The following NIM1K variants were observed in gnomAD, a reference collection of about 807,000 sequenced individuals.
NIM1K encodes the protein serine/threonine-protein kinase NIM1.
In NIM1K, 35 loss-of-function variants were observed where a neutral mutation model predicts 37.1. The observed-to-expected ratio is 0.94, with a 90% confidence interval of 0.72 to 1.25. The LOEUF (loss-of-function observed/expected upper bound fraction) is 1.25, where lower values mean the gene tolerates loss of function less well. NIM1K is among the 50% of genes most tolerant of loss of function. The probability of loss-of-function intolerance (pLI) is 0.00; values close to 1 mark genes in which losing one functional copy is unlikely to be tolerated. For synonymous variants in NIM1K, 234 were observed against 206.6 expected (o/e 1.13, Z -1.14); for missense variants, 564 against 548.0 (o/e 1.03, Z -0.29).
chr5:43,226,289 A>G (rs1223553064), intron 1 of NIM1K, among the ~76,000 whole-genome samples: 1 of 152,228 alleles, frequency 6.6e-6, no homozygotes, highest in Non-Finnish European at 1.5e-5. Context: ...ATGCTTTGTT[A>G]GAAACAAACC....
chr5:43,259,256 T>G (rs1236272403), intron 2 of NIM1K, among the ~76,000 whole-genome samples: 2 of 152,200 alleles, frequency 1.3e-5, no homozygotes, highest in Non-Finnish European at 2.9e-5. Context: ...TTCTTTTCCT[T>G]TGGGGAGATA....
chr5:43,207,868 T>C (rs1752140592), intron 1 of NIM1K: 1 of 287,232 alleles, frequency 3.5e-6, no homozygotes, highest in Admixed American at 4.5e-5. Flanking sequence ...CTCCATATGC[T>C]GTACATGACA....
At chr5:43,268,416 G>T (rs1396052096) in intron 2 of NIM1K, among the ~76,000 whole-genome samples, 1 of 152,050 alleles carries the variant, frequency 6.6e-6, no homozygotes, top group East Asian at 1.9e-4. Flanking sequence ...CAGACCAGGT[G>T]CTTGCTGCTG....
intron 1 of NIM1K, among the ~76,000 whole-genome samples, chr5:43,202,416 A>G (rs1430423812): frequency 6.6e-6 from 1 of 152,180 alleles, no homozygotes; most frequent in Non-Finnish European, 1.5e-5. Context: ...GCTGAAAGAG[A>G]CAAAGTAAAG....
intron 1 of NIM1K, among the ~76,000 whole-genome samples, chr5:43,197,534 T>G (rs1751937181): frequency 6.6e-6 from 1 of 152,204 alleles, no homozygotes; most frequent in African/African-American, 2.4e-5. Context: ...TTTTGGAAAT[T>G]TGAAATGTAG....
At position 43,253,212 on chromosome 5, in the gene NIM1K, A is replaced by ATAATATAATATATG. The variant is rs1300038063; in HGVS notation, c.292+7146_292+7147insAATATAATATATGT. On this transcript the variant is annotated intron_variant, in intron 2 of 3. Transcript: ENST00000326035. ...TATAATATAATATATAATATAATAT[A>ATAATATAATATATG]TGTGTGTGTGTGTGTGTGTGTGTGT... Among the ~76,000 whole-genome samples the ATAATATAATATATG allele has an allele frequency of 5.5e-4, 73 of 131,732 alleles. 1 individual carries two copies. The highest frequency in any genetic ancestry group is 4.2e-3 in the South Asian group (17 of 4,094). The allele number at this position is 131,732 out of a possible 152,430, so 86.4% of individuals were successfully genotyped here.
chr5:43,205,505 C>T (rs1385846510), intron 1 of NIM1K, among the ~76,000 whole-genome samples: 2 of 152,074 alleles, frequency 1.3e-5, no homozygotes, highest in African/African-American at 2.4e-5. Context: ...ACAATCTCAG[C>T]ACTTTGTGAA....
intron 2 of NIM1K, among the ~76,000 whole-genome samples, chr5:43,266,579 G>A (rs544926309): frequency 2.6e-4 from 40 of 152,262 alleles, no homozygotes; most frequent in African/African-American, 8.2e-4. Context: ...TGGGTGAGGC[G>A]ATGCCCTGCC....
chr5:43,268,381 G>A (rs1753202311), intron 2 of NIM1K, among the ~76,000 whole-genome samples: 2 of 152,156 alleles, frequency 1.3e-5, no homozygotes, highest in Non-Finnish European at 1.5e-5. Context: ...TTCAAAGGCA[G>A]TTTTGGGGAA....
chr5:43,251,447 A>T (rs956447932), intron 2 of NIM1K, among the ~76,000 whole-genome samples: 1 of 152,202 alleles, frequency 6.6e-6, no homozygotes, highest in African/African-American at 2.4e-5. Context: ...GGAAGCACTG[A>T]CATCATCTAG....
intron 1 of NIM1K, among the ~76,000 whole-genome samples, chr5:43,244,141 T>C (rs1156370884): frequency 6.6e-6 from 1 of 152,226 alleles, no homozygotes; most frequent in Admixed American, 6.5e-5. Flanking sequence ...TACTTAATTG[T>C]AATAATGTGA....
intron 2 of NIM1K, among the ~76,000 whole-genome samples, chr5:43,275,957 G>C (rs1256766987): frequency 6.7e-6 from 1 of 148,928 alleles, no homozygotes; most frequent in Non-Finnish European, 1.5e-5. Flanking sequence ...CTGGAGAGCA[G>C]TGGTGCGATC....
intron 2 of NIM1K, among the ~76,000 whole-genome samples, chr5:43,254,610 C>T (rs1047395385): frequency 2.6e-5 from 4 of 152,166 alleles, no homozygotes; most frequent in African/African-American, 9.7e-5. Context: ...AAGAAATATT[C>T]GAGGGAGCAA....
At chr5:43,225,749 ACCT>A (rs1488495318) in intron 1 of NIM1K, 1 of 154,358 alleles carries the variant, frequency 6.5e-6, no homozygotes, top group Non-Finnish European at 1.5e-5. Flanking sequence ...AGCGTATATA[ACCT>A]CTCTGTGATG....
intron 2 of NIM1K, among the ~76,000 whole-genome samples, chr5:43,265,984 A>C (rs1313405802): frequency 6.6e-6 from 1 of 152,200 alleles, no homozygotes; most frequent in Non-Finnish European, 1.5e-5. Context: ...CTTCCTCTGG[A>C]AGCTTCATCT....
chr5:43,206,361 G>C (rs1752110433), intron 1 of NIM1K, among the ~76,000 whole-genome samples: 1 of 146,860 alleles, frequency 6.8e-6, no homozygotes, highest in South Asian at 2.2e-4. Context: ...TTAGCCAGGA[G>C]GGGTGGTGCG....
intron 2 of NIM1K, among the ~76,000 whole-genome samples, chr5:43,269,341 A>C (rs1753219988): frequency 7.0e-6 from 1 of 142,764 alleles, no homozygotes; most frequent in African/African-American, 2.6e-5. Context: ...AAGAATAGCT[A>C]CTCCTGCTAG....
intron 1 of NIM1K, among the ~76,000 whole-genome samples, chr5:43,234,861 C>T (rs912331047): frequency 6.6e-6 from 1 of 152,062 alleles, no homozygotes; most frequent in Non-Finnish European, 1.5e-5. Context: ...TCTCAAACTC[C>T]TGACCTCACA....
intron 2 of NIM1K, among the ~76,000 whole-genome samples, chr5:43,249,947 G>T (rs1428189745): frequency 6.7e-6 from 1 of 149,794 alleles, no homozygotes; most frequent in Non-Finnish European, 1.5e-5. Flanking sequence ...CTGCCTCCTG[G>T]GTTCATGCCG....
Sources: gnomAD v4.1 joint callset for allele counts (sites outside exome capture counted in the v4.1 genomes callset) on GRCh38, gnomAD v4.1.1 for gene constraint, MANE v1.5 for transcripts, NCBI Gene and HGNC (gene_info 2026-07-23, HGNC 2026-07-21) for gene names.